Variants in DPH6 observed in about 807,000 individuals in gnomAD.
DPH6 encodes the protein diphthine--ammonia ligase.
In DPH6, 33 loss-of-function variants were observed where a neutral mutation model predicts 38.2. That is an observed-to-expected ratio of 0.86 (90% confidence interval 0.65 to 1.15). DPH6 has a LOEUF of 1.15. DPH6 is among the 50% of genes most tolerant of loss of function. The pLI, the probability that DPH6 is intolerant of heterozygous loss-of-function variation, is 0.00. For missense variants in DPH6, 325 were observed against 320.0 expected, an observed-to-expected ratio of 1.02 and a Z score of -0.12; for synonymous variants, 108 against 103.0, an observed-to-expected ratio of 1.05 and a Z score of -0.30.
chr15:35,299,091 G>A, intron 3 of DPH6: 2 of 807,716 alleles, frequency 2.5e-6, no homozygotes, highest in South Asian at 1.6e-5. Context: ...CGCTGTCTTT[G>A]TCCTTCCTCT....
At chr15:35,513,133 G>T (rs1045980842) in intron 3 of DPH6, among the ~76,000 whole-genome samples, 9 of 152,066 alleles carry the variant, frequency 5.9e-5, no homozygotes, top group Admixed American at 5.9e-4. Context: ...ACACACAGGT[G>T]TGTGCATCTA....
the DPH6 span, among the ~76,000 whole-genome samples, chr15:35,150,558 C>G: frequency 1.3e-5 from 2 of 152,174 alleles, no homozygotes; most frequent in African/African-American, 4.8e-5. Flanking sequence ...AAATATACGT[C>G]TGGAAGGCAG....
At chr15:35,262,411 T>A (rs950060601) in intron 3 of DPH6, among the ~76,000 whole-genome samples, 11 of 152,100 alleles carry the variant, frequency 7.2e-5, no homozygotes, top group Admixed American at 3.3e-4. Context: ...TGATTTTTTT[T>A]AAAAAGATAC....
At chr15:35,342,236 T>G (rs985109951) in intron 3 of DPH6, among the ~76,000 whole-genome samples, 1 of 152,224 alleles carries the variant, frequency 6.6e-6, no homozygotes, top group African/African-American at 2.4e-5. Context: ...GTTCTCTGTA[T>G]GTGCGTGAGT....
intron 3 of DPH6, among the ~76,000 whole-genome samples, chr15:35,262,456 C>A (rs914496813): frequency 1.3e-4 from 20 of 152,014 alleles, no homozygotes; most frequent in African/African-American, 4.8e-4. Context: ...CCTGTAATCC[C>A]AGCACTTTGG....
At chr15:35,156,415 T>G in the DPH6 span, among the ~76,000 whole-genome samples, 107 of 152,296 alleles carry the variant, frequency 7.0e-4, 1 homozygote, top group Non-Finnish European at 3.4e-4. Flanking sequence ...ATAAATATCT[T>G]CTTTTGCAGT....
chr15:35,297,975 T>C (rs1178871439), intron 3 of DPH6, among the ~76,000 whole-genome samples: 2 of 152,220 alleles, frequency 1.3e-5, no homozygotes, highest in Non-Finnish European at 2.9e-5. Flanking sequence ...CTCCAGATTA[T>C]GTGCCAAATC....
At chr15:35,510,912 C>T (rs191522303) in intron 3 of DPH6, among the ~76,000 whole-genome samples, 70 of 152,208 alleles carry the variant, frequency 4.6e-4, no homozygotes, top group Non-Finnish European at 7.5e-4. Context: ...ATATATGTCC[C>T]ATCCTTGTGG....
intron 3 of DPH6, among the ~76,000 whole-genome samples, chr15:35,512,727 T>TA (rs200680026): frequency 0.01 from 1,562 of 152,108 alleles, 23 homozygotes; most frequent in African/African-American, 0.036. Flanking sequence ...TCAGATACAT[T>TA]AAAAAAAGAC....
chr15:35,431,933 G>A (rs1328911595), intron 5 of DPH6, among the ~76,000 whole-genome samples: 5 of 152,054 alleles, frequency 3.3e-5, no homozygotes, highest in Admixed American at 6.5e-5. Flanking sequence ...GACTACAGGC[G>A]CCGGCCACAA....
At chr15:35,494,780 CATG>C (rs1367375426) in intron 3 of DPH6, among the ~76,000 whole-genome samples, 6 of 151,734 alleles carry the variant, frequency 4.0e-5, no homozygotes, top group African/African-American at 1.5e-4. Flanking sequence ...AAAGTCCACT[CATG>C]ATTTTTTTTT....
intron 3 of DPH6, among the ~76,000 whole-genome samples, chr15:35,355,697 C>G (rs1223837184): frequency 6.6e-6 from 1 of 152,234 alleles, no homozygotes; most frequent in Non-Finnish European, 1.5e-5. Context: ...CCCAACCTTT[C>G]TCTCTGGCTG....
At chr15:35,384,413 A>G (rs1198750426) in intron 6 of DPH6, among the ~76,000 whole-genome samples, 2 of 152,196 alleles carry the variant, frequency 1.3e-5, no homozygotes, top group Admixed American at 6.5e-5. Flanking sequence ...ATGACATTTG[A>G]TAAGTTCATT....
At chr15:35,479,079 A>G (rs1018800001) in intron 3 of DPH6, among the ~76,000 whole-genome samples, 1 of 152,084 alleles carries the variant, frequency 6.6e-6, no homozygotes, top group African/African-American at 2.4e-5. Context: ...GACAAAGAAA[A>G]TTTCAAATTA....
At chr15:35,284,127 A>C (rs2051921735) in intron 3 of DPH6, among the ~76,000 whole-genome samples, 2 of 152,220 alleles carry the variant, frequency 1.3e-5, no homozygotes, top group Non-Finnish European at 2.9e-5. Flanking sequence ...TTCCACAGTC[A>C]AACTATTGAC....
chr15:35,541,201 C>A (rs561860315), intron 2 of DPH6, among the ~76,000 whole-genome samples: 2 of 152,130 alleles, frequency 1.3e-5, no homozygotes, highest in African/African-American at 4.8e-5. Flanking sequence ...TAAAATATTT[C>A]TAAACTCTGT....
At chr15:35,445,772 T>C (rs1275414762) in intron 5 of DPH6, among the ~76,000 whole-genome samples, 1 of 152,194 alleles carries the variant, frequency 6.6e-6, no homozygotes, top group Non-Finnish European at 1.5e-5. Context: ...TCACTATTAT[T>C]ATCTATTGTT....
At chr15:35,298,947 G>A in intron 3 of DPH6, 2 of 786,594 alleles carry the variant, frequency 2.5e-6, no homozygotes, top group Non-Finnish European at 4.6e-6. Flanking sequence ...GCCCATACTT[G>A]TTTTCCTCTT....
chr15:35,286,950 T>C (rs2051947584), intron 3 of DPH6, among the ~76,000 whole-genome samples: 1 of 152,176 alleles, frequency 6.6e-6, no homozygotes, highest in Non-Finnish European at 1.5e-5. Flanking sequence ...AGGAAAGGAA[T>C]TTCATGGGAG....
Sources: gnomAD v4.1 joint callset for allele counts (sites outside exome capture counted in the v4.1 genomes callset) on GRCh38, gnomAD v4.1.1 for gene constraint, MANE v1.5 for transcripts, NCBI Gene and HGNC (gene_info 2026-07-23, HGNC 2026-07-21) for gene names.